TEAD3: variants seen among roughly 807,000 people sequenced by gnomAD.
TEAD3 encodes the protein TEA domain transcription factor 3, also known as transcriptional enhancer factor TEF-5.
A neutral mutation model predicts 55.6 loss-of-function variants in TEAD3; 15 were observed. That is an observed-to-expected ratio of 0.27 (90% CI 0.18 to 0.42). The LOEUF is 0.42. TEAD3 is among the 10% of genes least tolerant of loss of function. The pLI is 1.00. For missense variants in TEAD3, 407 were observed against 576.8 expected, an observed-to-expected ratio of 0.71 and a Z score of 3.01; for synonymous variants, 210 against 232.2, an observed-to-expected ratio of 0.90 and a Z score of 0.87.
At chr6:35,493,581 C>T (rs1467024970) in intron 1 of TEAD3, among the ~76,000 whole-genome samples, 1 of 152,224 alleles carries the variant, frequency 6.6e-6, no homozygotes, top group African/African-American at 2.4e-5. Flanking sequence ...GCCCACCTTG[C>T]TGGTACACAC....
chr6:35,486,809 C>T lies in TEAD3; in HGVS notation c.-49-98G>A. On this transcript the variant is annotated intron_variant, in intron 1 of 12. Coordinates refer to ENST00000639578, the Ensembl canonical transcript of TEAD3. The surrounding 1 kb of genome is among the most constrained non-coding windows in gnomAD (Gnocchi z 7.3). ...TGGCTCTGGAGCTCCGCCCCCAGCC[C>T]CAAGCCCACCCTAGGAGCAGGTGCT... The T allele has an allele frequency of 1.2e-6, 1 of 800,802 alleles. No homozygotes were observed. The highest frequency in any genetic ancestry group is 1.9e-6 in the Non-Finnish European group (1 of 517,168). 49.6% of individuals were successfully genotyped at this position (800,802 alleles called of 1,614,324 possible).
At position 35,475,662 on chromosome 6, in the gene TEAD3, A is replaced by G. The variant is rs756550026; in HGVS notation, c.945T>C (p.Tyr315=). ...CAGAGCTGTACTGAGAGCTGACCCC[A>G]TAGAAGGCTCCCGGGCCCTCCTGGA... The change falls in exon 11 of 13, where the codon TAT becomes TAC. Residue 315 remains tyrosine (Y), a synonymous_variant. Transcript: ENST00000639578. The surrounding 1 kb of genome is among the most constrained non-coding windows in gnomAD (Gnocchi z 5.4). 1.2e-6 allele frequency: 2 copies of G among 1,612,914 alleles called. No individual in the cohort carries two copies. Among genetic ancestry groups the G allele is most frequent in the Non-Finnish European group, 1.7e-6 (2 of 1,179,192 alleles).
At chr6:35,480,118 G>A in exon 4 of TEAD3, 7 of 1,545,218 alleles carry the variant, frequency 4.5e-6, no homozygotes, top group Non-Finnish European at 6.1e-6. Context: ...CAAGTGGCTA[G>A]AGACCTGTAG....
rs1306064092 is a variant in TEAD3 at position 35,486,081 on chromosome 6, G to A, written c.202+380C>T. ...CACTGGAGAGAACTATACGGGCTGT[G>A]GGAGTCACCGGGCGACTATCACCGG... is the stretch of plus-strand genomic sequence containing the variant. On this transcript the variant is annotated intron_variant, in intron 2 of 12. Transcript: ENST00000639578. The surrounding 1 kb of genome is among the most constrained non-coding windows in gnomAD (Gnocchi z 7.3). Among the ~76,000 whole-genome samples the A allele has an allele frequency of 6.6e-6, 1 of 152,218 alleles. No individual in the cohort carries two copies. Among genetic ancestry groups the A allele is most frequent in the Non-Finnish European group, 1.5e-5 (1 of 68,038 alleles).
rs1197781077 is a variant in TEAD3 at position 35,476,286 on chromosome 6, C to A, written c.726+16G>T. 1.9e-6 allele frequency: 3 copies of A among 1,610,418 alleles called. No homozygotes were observed. Among genetic ancestry groups the A allele is most frequent in the Non-Finnish European group, 2.5e-6 (3 of 1,179,154 alleles). On this transcript the variant is annotated intron_variant, in intron 9 of 12. Transcript: ENST00000639578. The stretch of plus-strand genomic sequence containing the variant: ...ACAATTGTGCAAAGCCTCACCCTCA[C>A]CCCCAAACACGTTACCGTGTCAGGG...
In TEAD3 at chr6:35,475,860, A is replaced by G. The variant is rs1768134254; in HGVS notation, c.900+59T>C. 6.7e-7 allele frequency: 1 copy of G among 1,499,584 alleles called. No homozygotes were observed. 92.9% of individuals were successfully genotyped at this position (1,499,584 alleles called of 1,614,324 possible). On this transcript the variant is annotated intron_variant, in intron 10 of 12. Transcript: ENST00000639578. The surrounding 1 kb of genome is among the most constrained non-coding windows in gnomAD (Gnocchi z 5.4). The stretch of plus-strand genomic sequence containing the variant: ...TCAGAGGTCAATGCAGTGGGCCTGG[A>G]TGTTGCACCTCTGGGGTGGGGAAGG...
chr6:35,490,975 T>TGA (rs1057486289), intron 1 of TEAD3, among the ~76,000 whole-genome samples: 6 of 133,958 alleles, frequency 4.5e-5, no homozygotes, highest in African/African-American at 1.8e-4. Context: ...GAGACCCAAG[T>TGA]GAGGGTCAAG....
chr6:35,488,109 G>A lies in TEAD3; in HGVS notation c.-49-1398C>T, dbSNP rs1768426098. 6.6e-6 allele frequency among the ~76,000 whole-genome samples: 1 copy of A among 152,202 alleles called. No homozygotes were observed. The highest frequency in any genetic ancestry group is 2.1e-4 in the South Asian group (1 of 4,830). The stretch of plus-strand genomic sequence containing the variant: ...AACTCTGCCAAGGGGCCTAATGTAG[G>A]GCAGGAACTGCCCCAGGAATTACAA... On this transcript the variant is annotated intron_variant, in intron 1 of 12. Coordinates refer to ENST00000639578, the Ensembl canonical transcript of TEAD3. The surrounding 1 kb of genome is among the most constrained non-coding windows in gnomAD (Gnocchi z 4.2).
intron 1 of TEAD3, among the ~76,000 whole-genome samples, chr6:35,490,566 AT>A (rs1768493234): frequency 6.6e-6 from 1 of 152,306 alleles, no homozygotes; most frequent in East Asian, 1.9e-4. Context: ...CCACGTGAGA[AT>A]GTGCACCCCC....
At position 35,480,391 on chromosome 6, in the gene TEAD3, G is replaced by C. The variant is rs1194737951; in HGVS notation, c.268-269C>G. ...GCTGGACACCTAGGGGCCGCCCCGC[G>C]CCCCGCCAGAGAGGAAAACATAGAC... On this transcript the variant is annotated intron_variant, in intron 3 of 12. Coordinates refer to ENST00000639578, the Ensembl canonical transcript of TEAD3. 6.2e-7 allele frequency: 1 copy of C among 1,613,182 alleles called. No individual in the cohort carries two copies. Among genetic ancestry groups the C allele is most frequent in the African/African-American group, 1.3e-5 (1 of 74,934 alleles).
intron 7 of TEAD3, 55 bp downstream of exon 7, chr6:35,478,220 C>T: frequency 6.2e-7 from 1 of 1,604,784 alleles, no homozygotes. Context: ...GGGAGGGAAG[C>T]CCTGTGCGGC....
At chr6:35,482,053 C>T (rs1260746113) in intron 3 of TEAD3, among the ~76,000 whole-genome samples, 5 of 152,134 alleles carry the variant, frequency 3.3e-5, no homozygotes, top group Admixed American at 6.5e-5. Context: ...GGCGTGATCT[C>T]GGCTCACTGC....
At position 35,478,668 on chromosome 6, in the gene TEAD3, A is replaced by G; in HGVS notation, c.343-97T>C. On this transcript the variant is annotated intron_variant, in intron 5 of 12. Transcript: ENST00000639578. ...TGACCCCAGCAGAGTCCAAAGCACT[A>G]GGATGGCAGGTGTTCCTGAAGATCC... is the stretch of plus-strand genomic sequence containing the variant. 6.3e-6 allele frequency: 9 copies of G among 1,423,824 alleles called. No individual in the cohort carries two copies. The South Asian group carries it at 1.3e-4, about 20-fold the overall frequency. The allele number at this position is 1,423,824 out of a possible 1,614,324, so 88.2% of individuals were successfully genotyped here. A position where few individuals can be genotyped will look rare whatever the true frequency, so the allele number is the denominator to read the frequency against.
Position 35,478,576 on chromosome 6 carries a change from G to C in TEAD3, c.343-5C>G. On this transcript the variant is annotated splice_polypyrimidine_tract_variant and splice_region_variant and intron_variant, in intron 5 of 12. Transcript: ENST00000639578. ...TTTGTCCTTGGAGACCTGGTCCTGG[G>C]GAGAGGAGGCTGCATGAAGCCAGGG... 6.3e-7 allele frequency: 1 copy of C among 1,581,834 alleles called. No homozygotes were observed. The highest frequency in any genetic ancestry group is 1.2e-5 in the South Asian group (1 of 86,728).
chr6:35,490,787 G>A (rs569299287), intron 1 of TEAD3, among the ~76,000 whole-genome samples: 1 of 152,226 alleles, frequency 6.6e-6, no homozygotes, highest in Non-Finnish European at 1.5e-5. Context: ...TGGCTCCCTG[G>A]ACAGGTGCGG....
rs890690866 is a variant in TEAD3 at position 35,491,476 on chromosome 6, G to C, written c.-49-4765C>G. Among the ~76,000 whole-genome samples the C allele has an allele frequency of 6.6e-6, 1 of 152,102 alleles. No homozygotes were observed. The highest frequency in any genetic ancestry group is 6.5e-5 in the Admixed American group (1 of 15,270). ...CAGAGGCCAAGGCAAAACAGAGGGA[G>C]GGAGTGACAAGGGAGGCCACTGCCA... On this transcript the variant is annotated intron_variant, in intron 1 of 12. Transcript: ENST00000639578. The surrounding 1 kb of genome is among the most constrained non-coding windows in gnomAD (Gnocchi z 4.4).
downstream of TEAD3, chr6:35,474,547 A>G (rs911073482): frequency 1.3e-5 from 2 of 156,548 alleles, no homozygotes; most frequent in African/African-American, 4.8e-5. Context: ...AAGCCATGCA[A>G]GGAGTCTGGG....
At chr6:35,479,998 G>A in intron 4 of TEAD3, 1 of 1,370,452 alleles carries the variant, frequency 7.3e-7, no homozygotes, top group Non-Finnish European at 9.8e-7. Context: ...CCACAGAGCA[G>A]CGACAGGCCT....
chr6:35,493,145 T>C (rs1198989118), intron 1 of TEAD3, among the ~76,000 whole-genome samples: 1 of 152,228 alleles, frequency 6.6e-6, no homozygotes, highest in Non-Finnish European at 1.5e-5. Context: ...GTCCTGCTCA[T>C]TCACTGTTAC....
Sources: allele counts gnomAD v4.1 joint callset (sites outside exome capture counted in the v4.1 genomes callset), GRCh38; gene constraint gnomAD v4.1.1; non-coding constraint Gnocchi (gnomAD v3.1); transcripts MANE v1.5; gene names NCBI Gene and HGNC (gene_info 2026-07-23, HGNC 2026-07-21).